Variants in SLC4A4 observed in about 807,000 individuals in gnomAD.
The protein encoded by SLC4A4 is solute carrier family 4 member 4.
Under a neutral mutation model 111.5 loss-of-function variants are expected in SLC4A4, and 27 were observed. That is an observed-to-expected ratio of 0.24 (90% confidence interval 0.18 to 0.33). The LOEUF (loss-of-function observed/expected upper bound fraction) is 0.33, where lower values mean the gene tolerates loss of function less well. SLC4A4 is among the 10% of genes least tolerant of loss of function. The probability of loss-of-function intolerance (pLI) is 1.00; values close to 1 mark genes in which losing one functional copy is unlikely to be tolerated. For synonymous variants in SLC4A4, 443 were observed against 463.4 expected, an observed-to-expected ratio of 0.96 and a Z score of 0.57; for missense variants, 909 against 1,315.5, an observed-to-expected ratio of 0.69 and a Z score of 4.78.
At chr4:71,440,504 T>C in intron 7 of SLC4A4, 112 bp from the exon 8 acceptor site, 1 of 1,178,764 alleles carries the variant, frequency 8.5e-7, no homozygotes, top group South Asian at 1.2e-5. Flanking sequence ...AAAAGGAATT[T>C]CCTGTGAGTG....
intron 3 of SLC4A4, among the ~76,000 whole-genome samples, chr4:71,306,689 T>C (rs1725715017): frequency 6.6e-6 from 1 of 152,232 alleles, no homozygotes; most frequent in Admixed American, 6.5e-5. Flanking sequence ...AATTGCATAA[T>C]GAAAGTTAGC....
intron 7 of SLC4A4, among the ~76,000 whole-genome samples, chr4:71,417,338 TG>T (rs1455185798): frequency 6.6e-6 from 1 of 151,584 alleles, no homozygotes; most frequent in Non-Finnish European, 1.5e-5. Flanking sequence ...TCAGGGAAGG[TG>T]GGGGGTAGTC....
At chr4:71,099,113 T>C (rs1252413570) in intron 2 of SLC4A4, among the ~76,000 whole-genome samples, 5 of 152,192 alleles carry the variant, frequency 3.3e-5, no homozygotes, top group African/African-American at 7.2e-5. Context: ...ATGGATCTGA[T>C]AGATCTCTAC....
intron 18 of SLC4A4, among the ~76,000 whole-genome samples, chr4:71,540,742 C>T (rs1407479524): frequency 3.3e-5 from 5 of 152,080 alleles, no homozygotes; most frequent in African/African-American, 9.7e-5. Flanking sequence ...TATTTGTTTT[C>T]ATGTCTGCCC....
At position 71,102,889 on chromosome 4, in the gene SLC4A4, C is replaced by A. The variant is rs1742801174; in HGVS notation, c.-2+10097C>A. 2.6e-5 allele frequency among the ~76,000 whole-genome samples: 4 copies of A among 151,788 alleles called. No homozygotes were observed. In the South Asian group the frequency reaches 8.4e-4, roughly 32 times the overall value. The stretch of plus-strand genomic sequence containing the variant: ...AACGAGCAAAATAACCAGCTAACAT[C>A]ATAATGACAGGATCCAATTCACACA... On this transcript the variant is annotated intron_variant, in intron 2 of 26. Coordinates refer to the SLC4A4 transcript ENST00000649996.
At chr4:71,484,837 G>A (rs1729224331) in intron 14 of SLC4A4, among the ~76,000 whole-genome samples, 1 of 151,740 alleles carries the variant, frequency 6.6e-6, no homozygotes, top group African/African-American at 2.4e-5. Context: ...TTCTTTAGCA[G>A]TGGTTTGTGG....
intron 18 of SLC4A4, among the ~76,000 whole-genome samples, chr4:71,536,486 A>ATATATATATG (rs199681803): frequency 7.3e-5 from 5 of 68,046 alleles, no homozygotes; most frequent in Admixed American, 1.7e-4. Flanking sequence ...ATATATATAT[A>ATATATATATG]TGTATATATT....
intron 7 of SLC4A4, among the ~76,000 whole-genome samples, chr4:71,399,520 T>C (rs1012090531): frequency 7.4e-6 from 1 of 135,838 alleles, no homozygotes; most frequent in African/African-American, 2.7e-5. Context: ...CCTTCCTTCC[T>C]CCCTGGTAGT....
intron 7 of SLC4A4, among the ~76,000 whole-genome samples, chr4:71,420,101 G>A (rs536421130): frequency 1.8e-4 from 27 of 152,288 alleles, no homozygotes; most frequent in Admixed American, 4.6e-4. Context: ...AAATTTAGAC[G>A]AATGTATAAC....
chr4:71,155,431 T>C (rs570562436), intron 2 of SLC4A4, among the ~76,000 whole-genome samples: 99 of 152,202 alleles, frequency 6.5e-4, no homozygotes, highest in African/African-American at 2.2e-3. Flanking sequence ...GTAGCCACAA[T>C]TAAGGGGAAG....
chr4:71,248,147 G>T (rs539030178), intron 2 of SLC4A4, among the ~76,000 whole-genome samples: 1 of 152,158 alleles, frequency 6.6e-6, no homozygotes, highest in Admixed American at 6.5e-5. Context: ...TGACTCTTTT[G>T]CCCTCCTCTA....
intron 14 of SLC4A4, among the ~76,000 whole-genome samples, chr4:71,479,784 T>C (rs2149119949): frequency 6.6e-6 from 1 of 151,864 alleles, no homozygotes. Context: ...AAGAGACCCA[T>C]CATTTTAGTT....
intron 2 of SLC4A4, among the ~76,000 whole-genome samples, chr4:71,123,425 C>T (rs191158619): frequency 2.0e-5 from 3 of 152,036 alleles, no homozygotes; most frequent in Non-Finnish European, 2.9e-5. Context: ...TGTTGGGAGA[C>T]GATCAAGGAA....
chr4:71,251,085 A>T (rs1033062840), intron 2 of SLC4A4, among the ~76,000 whole-genome samples: 18 of 152,228 alleles, frequency 1.2e-4, no homozygotes, highest in African/African-American at 4.1e-4. Context: ...TAATAGATGT[A>T]TCTTACATAT....
upstream of SLC4A4, among the ~76,000 whole-genome samples, chr4:71,183,324 G>A (rs1341731952): frequency 6.6e-6 from 1 of 152,178 alleles, no homozygotes; most frequent in Non-Finnish European, 1.5e-5. Flanking sequence ...AAGCAACTTG[G>A]GACACACGTT....
chr4:71,368,534 T>C (rs909839261), intron 6 of SLC4A4, among the ~76,000 whole-genome samples: 2 of 152,236 alleles, frequency 1.3e-5, no homozygotes, highest in African/African-American at 4.8e-5. Context: ...GAAATGTTGC[T>C]TTCTCCATTT....
chr4:71,499,015 C>T (rs1730668096), intron 16 of SLC4A4, among the ~76,000 whole-genome samples: 1 of 152,072 alleles, frequency 6.6e-6, no homozygotes, highest in Non-Finnish European at 1.5e-5. Flanking sequence ...CTTGATACAC[C>T]TCTTCAACTG....
chr4:71,437,724 A>C, intron 7 of SLC4A4: 1 of 330,416 alleles, frequency 3.0e-6, no homozygotes, highest in Non-Finnish European at 6.0e-6. Flanking sequence ...TATTGGGATG[A>C]GCGGCCCCCT....
At chr4:71,338,404 T>C (rs916515821) in intron 3 of SLC4A4, among the ~76,000 whole-genome samples, 1 of 152,214 alleles carries the variant, frequency 6.6e-6, no homozygotes, top group African/African-American at 2.4e-5. Context: ...TTGAACTGCA[T>C]TCACATGTAT....
Sources: allele counts gnomAD v4.1 joint callset (sites outside exome capture counted in the v4.1 genomes callset), GRCh38; gene constraint gnomAD v4.1.1; transcripts MANE v1.5; gene names NCBI Gene and HGNC (gene_info 2026-07-23, HGNC 2026-07-21).